ARHGEF3: variants seen among roughly 807,000 people sequenced by gnomAD.
ARHGEF3 encodes the protein 59.8 kDA protein.
A neutral mutation model predicts 63.2 loss-of-function variants in ARHGEF3; 28 were observed. The ratio of observed to expected loss-of-function variants is 0.44; its 90% CI spans 0.33 to 0.61. The LOEUF is 0.61. Among genes scored for constraint, ARHGEF3 ranks in the 20% least tolerant of loss-of-function variants. ARHGEF3 has a pLI of 0.03. For synonymous variants in ARHGEF3, 266 were observed against 254.2 expected, an observed-to-expected ratio of 1.05 and a Z score of -0.44; for missense variants, 533 against 659.3, an observed-to-expected ratio of 0.81 and a Z score of 2.10.
intron 3 of ARHGEF3, among the ~76,000 whole-genome samples, chr3:56,920,660 C>T (rs2042102521): frequency 6.6e-6 from 1 of 152,166 alleles, no homozygotes; most frequent in African/African-American, 2.4e-5. Context: ...CAAAATCTTA[C>T]AGTTGGAAAG....
At chr3:56,989,671 C>A (rs115805532) in intron 2 of ARHGEF3, among the ~76,000 whole-genome samples, 3 of 152,078 alleles carry the variant, frequency 2.0e-5, no homozygotes, top group African/African-American at 7.3e-5. Context: ...AAGGCTGCTG[C>A]CTCCCCACAG....
chr3:56,900,555 C>A (rs749271163), intron 3 of ARHGEF3, among the ~76,000 whole-genome samples: 1 of 152,054 alleles, frequency 6.6e-6, no homozygotes, highest in South Asian at 2.1e-4. Context: ...GACTGAGCCA[C>A]GGAAGTCAAA....
chr3:56,987,352 C>G (rs533130640), intron 2 of ARHGEF3, among the ~76,000 whole-genome samples: 1 of 152,304 alleles, frequency 6.6e-6, no homozygotes, highest in East Asian at 1.9e-4. Context: ...GAGAGCAGAG[C>G]TCTGACTTCA....
rs191316561 is a variant in ARHGEF3, at chr3:56,795,299, C to G, written c.96+6404G>C. ...AATTGGGCTACATGTTCTCAACAGG[C>G]CTTTCCCACTCTGAAGTTCTCTGAT... On this transcript the variant is annotated intron_variant, in intron 1 of 9. Coordinates refer to ENST00000296315, the MANE Select transcript of ARHGEF3 (RefSeq NM_019555.3). Among the ~76,000 whole-genome samples the G allele has an allele frequency of 5.3e-5, 8 of 152,228 alleles. 1 individual carries two copies. Among genetic ancestry groups the G allele is most frequent in the African/African-American group, 1.9e-4 (8 of 41,532 alleles).
At position 57,048,052 on chromosome 3, in the gene ARHGEF3, G is replaced by A. The variant is rs573627794; in HGVS notation, c.-27-12876C>T. On this transcript the variant is annotated intron_variant, in intron 1 of 12. Transcript: ENST00000338458. The stretch of plus-strand genomic sequence containing the variant: ...TAGTAACCCTTGGATGAGCCTTCAC[G>A]CACTTCAGCCCCTTCCTGCTGGCCC... Among the ~76,000 whole-genome samples the A allele has an allele frequency of 2.0e-4, 30 of 152,150 alleles. No homozygotes were observed. In the South Asian group the frequency reaches 3.3e-3, roughly 17 times the overall value.
intron 4 of ARHGEF3, among the ~76,000 whole-genome samples, chr3:56,877,596 C>T (rs938544339): frequency 1.3e-5 from 2 of 152,116 alleles, no homozygotes; most frequent in Admixed American, 1.3e-4. Context: ...TGGTCTCGAA[C>T]TTCTGGGCTC....
intron 1 of ARHGEF3, among the ~76,000 whole-genome samples, chr3:56,780,468 A>G (rs191020273): frequency 2.1e-3 from 319 of 152,366 alleles, no homozygotes; most frequent in Non-Finnish European, 3.7e-3. Flanking sequence ...TATCAAAACT[A>G]AGAAATTAAC....
At chr3:56,812,963 G>T (rs1278986618) in intron 4 of ARHGEF3, among the ~76,000 whole-genome samples, 1 of 152,166 alleles carries the variant, frequency 6.6e-6, no homozygotes, top group African/African-American at 2.4e-5. Flanking sequence ...AGGTAAGAGA[G>T]AATTAAAATT....
chr3:56,782,499 GTGTT>G (rs1312095036), intron 1 of ARHGEF3, among the ~76,000 whole-genome samples: 1 of 151,732 alleles, frequency 6.6e-6, no homozygotes, highest in Non-Finnish European at 1.5e-5. Flanking sequence ...CCACATTCTT[GTGTT>G]TGTTTTCTCC....
chr3:56,761,442 C>A (rs79106086), intron 2 of ARHGEF3, among the ~76,000 whole-genome samples: 2 of 148,916 alleles, frequency 1.3e-5, no homozygotes, highest in African/African-American at 2.5e-5. Flanking sequence ...CTGCCCTTCT[C>A]TTTTTTTTTT....
intron 1 of ARHGEF3, among the ~76,000 whole-genome samples, chr3:57,067,694 G>C (rs1340440446): frequency 1.3e-5 from 2 of 150,102 alleles, no homozygotes; most frequent in African/African-American, 4.9e-5. Context: ...AAATTAGCCG[G>C]CGTGAGACCA....
At chr3:56,750,833 T>C (rs1343914964) in intron 6 of ARHGEF3, among the ~76,000 whole-genome samples, 1 of 152,000 alleles carries the variant, frequency 6.6e-6, no homozygotes, top group Non-Finnish European at 1.5e-5. Flanking sequence ...AAAGGCCCTG[T>C]TACTTTTAAA....
intron 1 of ARHGEF3, chr3:57,079,061 C>A: frequency 3.1e-6 from 1 of 321,630 alleles, no homozygotes. Context: ...CAGGGTAACT[C>A]GGAGGTGGGA....
At chr3:56,868,188 C>G (rs150349554) in intron 4 of ARHGEF3, among the ~76,000 whole-genome samples, 31 of 152,262 alleles carry the variant, frequency 2.0e-4, no homozygotes, top group African/African-American at 7.0e-4. Flanking sequence ...CTCAATGCTT[C>G]TAGAGCCTAA....
intron 4 of ARHGEF3, among the ~76,000 whole-genome samples, chr3:56,863,465 A>G (rs2040146950): frequency 6.6e-6 from 1 of 151,212 alleles, no homozygotes; most frequent in African/African-American, 2.4e-5. Context: ...ATGCCCGGCT[A>G]ATTTTCATAT....
chr3:56,781,325 G>A (rs965294118), intron 1 of ARHGEF3, among the ~76,000 whole-genome samples: 1 of 150,584 alleles, frequency 6.6e-6, no homozygotes, highest in Non-Finnish European at 1.5e-5. Flanking sequence ...TCAGCTCACC[G>A]CAACCTCCAC....
At position 56,966,760 on chromosome 3, in the gene ARHGEF3, C is replaced by T. The variant is rs534642042; in HGVS notation, c.63-7871G>A. 2.7e-4 allele frequency among the ~76,000 whole-genome samples: 41 copies of T among 152,184 alleles called. No homozygotes were observed. In the East Asian group the frequency reaches 7.5e-3, roughly 28 times the overall value. On this transcript the variant is annotated intron_variant, in intron 2 of 12. Coordinates refer to the ARHGEF3 transcript ENST00000338458. ...CCCTGTGTGGCCTGTCTCAGGGACA[C>T]TTTCAAGATTCTGAAGGCAAGGGAG...
chr3:56,916,854 C>T (rs992695778), intron 3 of ARHGEF3, among the ~76,000 whole-genome samples: 29 of 152,118 alleles, frequency 1.9e-4, no homozygotes, highest in African/African-American at 7.0e-4. Context: ...TAGCCCTGTC[C>T]GGGATACAGA....
intron 1 of ARHGEF3, among the ~76,000 whole-genome samples, chr3:56,779,855 T>C (rs1294367825): frequency 1.3e-5 from 2 of 152,238 alleles, no homozygotes; most frequent in African/African-American, 4.8e-5. Context: ...ACTTACTCAG[T>C]TTCTTCAACT....
Sources: gnomAD v4.1 joint callset for allele counts (sites outside exome capture counted in the v4.1 genomes callset) on GRCh38, gnomAD v4.1.1 for gene constraint, MANE v1.5 for transcripts, NCBI Gene and HGNC (gene_info 2026-07-23, HGNC 2026-07-21) for gene names.